PTPRR: variants seen among roughly 807,000 people sequenced by gnomAD.
PTPRR encodes protein tyrosine phosphatase receptor type R.
A neutral mutation model predicts 77.2 loss-of-function variants in PTPRR; 38 were observed. The ratio of observed to expected loss-of-function variants is 0.49; its 90% CI spans 0.38 to 0.65. PTPRR has a LOEUF of 0.65. Among genes scored for constraint, PTPRR ranks in the 30% least tolerant of loss-of-function variants. The pLI, the probability that PTPRR is intolerant of heterozygous loss-of-function variation, is 0.00. For missense variants in PTPRR, 744 were observed against 799.2 expected, an observed-to-expected ratio of 0.93 and a Z score of 0.83; for synonymous variants, 299 against 283.1, an observed-to-expected ratio of 1.06 and a Z score of -0.57.
At chr12:70,805,613 G>A (rs4760819) in intron 2 of PTPRR, among the ~76,000 whole-genome samples, 146,077 of 152,320 alleles carry the variant, frequency 0.96, 70,327 homozygotes, top group East Asian at 1. Context: ...CTCCTGTTTC[G>A]GCTGGGACTT....
intron 2 of PTPRR, among the ~76,000 whole-genome samples, chr12:70,816,455 C>T (rs947973303): frequency 1.3e-5 from 2 of 151,758 alleles, no homozygotes; most frequent in Non-Finnish European, 2.9e-5. Flanking sequence ...GTGCAAGAAC[C>T]CCAAGGATTG....
intron 5 of PTPRR, among the ~76,000 whole-genome samples, chr12:70,753,091 T>G (rs1890454263): frequency 6.6e-6 from 1 of 152,178 alleles, no homozygotes; most frequent in African/African-American, 2.4e-5. Flanking sequence ...GGTGGAAGAT[T>G]TAGGGTACTC....
At chr12:70,868,965 A>G (rs1489761455) in intron 2 of PTPRR, among the ~76,000 whole-genome samples, 1 of 144,436 alleles carries the variant, frequency 6.9e-6, no homozygotes, top group Non-Finnish European at 1.5e-5. Flanking sequence ...GTTCTCACTC[A>G]TAGGTGGGAA....
In PTPRR at chr12:70,695,080, T is replaced by TA. The variant is rs1888185807; in HGVS notation, c.1279+3184dup. 2.0e-5 allele frequency among the ~76,000 whole-genome samples: 3 copies of TA among 152,168 alleles called. No individual in the cohort carries two copies. The South Asian group carries it at 6.2e-4, about 32-fold the overall frequency. On this transcript the variant is annotated intron_variant, in intron 8 of 13. Transcript: ENST00000283228. ...AACACTGTCATTAGAGAAATGACTA[T>TA]AATTTAATTTATAATTATAAATTGA...
intron 2 of PTPRR, among the ~76,000 whole-genome samples, chr12:70,782,726 C>T (rs1472239199): frequency 4.6e-5 from 7 of 151,974 alleles, no homozygotes; most frequent in Non-Finnish European, 1.0e-4. Context: ...TTAGGAGACA[C>T]ACCTAATGTA....
chr12:70,804,796 C>T (rs376136153), intron 2 of PTPRR, among the ~76,000 whole-genome samples: 6 of 152,198 alleles, frequency 3.9e-5, no homozygotes, highest in African/African-American at 9.6e-5. Flanking sequence ...GATGAACGTG[C>T]GAACATATTG....
chr12:70,895,515 C>T (rs1245375907), intron 1 of PTPRR, among the ~76,000 whole-genome samples: 1 of 151,396 alleles, frequency 6.6e-6, no homozygotes, highest in Non-Finnish European at 1.5e-5. Context: ...CTGCCTTGTT[C>T]CTGAGTAATG....
chr12:70,770,391 C>T (rs893769790), intron 2 of PTPRR, among the ~76,000 whole-genome samples: 1 of 152,050 alleles, frequency 6.6e-6, no homozygotes, highest in East Asian at 1.9e-4. Flanking sequence ...TTTATGCAGC[C>T]AAAAGACACA....
intron 2 of PTPRR, among the ~76,000 whole-genome samples, chr12:70,880,706 T>G (rs192307874): frequency 1.3e-5 from 2 of 152,298 alleles, no homozygotes; most frequent in East Asian, 3.9e-4. Flanking sequence ...GAATGAATGT[T>G]TCAAGGAGCA....
rs72472808 is a variant in PTPRR at position 70,665,364 on chromosome 12, C to CTTTTTTTTT, written c.1498-2768_1498-2760dup. On this transcript the variant is annotated intron_variant, in intron 10 of 13. Transcript: ENST00000283228. ...GATGTAACACAAAGCAATGCAAATTCTTTTTTTTTTTTTTTTTTTTTTTTT... is the reference window on the plus strand; with the variant it reads ...GATGTAACACAAAGCAATGCAAATTCTTTTTTTTTTTTTTTTTTTTTTTTTTTTTTTTTT... Among the ~76,000 whole-genome samples, 150 of 44,630 alleles carry CTTTTTTTTT rather than the reference C, an allele frequency of 3.4e-3. 10 individuals carry two copies. Among genetic ancestry groups the CTTTTTTTTT allele is most frequent in the Non-Finnish European group, 4.7e-3 (105 of 22,426 alleles). 29.3% of individuals were successfully genotyped at this position (44,630 alleles called of 152,430 possible).
intron 2 of PTPRR, among the ~76,000 whole-genome samples, chr12:70,821,963 C>T (rs1209594788): frequency 2.6e-5 from 4 of 152,154 alleles, no homozygotes; most frequent in South Asian, 2.1e-4. Flanking sequence ...CACGCCCGGC[C>T]GAAACCTATG....
rs71437157 is a variant in PTPRR at position 70,795,913 on chromosome 12, ATTTTT to A, written c.358-31140_358-31136del. ...TATATGTTCAAAATGTATTTAGTAG[ATTTTT>A]TTTTTTTTTTTTTTTTTTTTTTTGA... On this transcript the variant is annotated intron_variant, in intron 2 of 13. Transcript: ENST00000283228. Among the ~76,000 whole-genome samples the A allele has an allele frequency of 2.4e-4, 21 of 88,390 alleles. 1 individual carries two copies. Among genetic ancestry groups the A allele is most frequent in the Non-Finnish European group, 3.1e-4 (14 of 45,282 alleles). The allele number at this position is 88,390 out of a possible 152,430, so 58.0% of individuals were successfully genotyped here.
At chr12:70,668,218 AAGAGGAGG>A (rs1005526760) in intron 10 of PTPRR, among the ~76,000 whole-genome samples, 3 of 152,006 alleles carry the variant, frequency 2.0e-5, no homozygotes, top group Non-Finnish European at 4.4e-5. Context: ...GAAGAGAAGG[AAGAGGAGG>A]AGAGGAGGAT....
intron 6 of PTPRR, among the ~76,000 whole-genome samples, chr12:70,709,187 G>C (rs1441814348): frequency 6.6e-6 from 1 of 152,046 alleles, no homozygotes; most frequent in African/African-American, 2.4e-5. Flanking sequence ...ATCAATAAAT[G>C]TAATTCATCA....
intron 8 of PTPRR, among the ~76,000 whole-genome samples, chr12:70,695,858 T>C (rs1025109429): frequency 6.6e-6 from 1 of 152,130 alleles, no homozygotes; most frequent in Non-Finnish European, 1.5e-5. Flanking sequence ...GTAAATAAAT[T>C]TAACTATATA....
chr12:70,688,671 G>C (rs1174594689), intron 8 of PTPRR, among the ~76,000 whole-genome samples: 1 of 152,160 alleles, frequency 6.6e-6, no homozygotes, highest in Non-Finnish European at 1.5e-5. Flanking sequence ...ATATGATCCA[G>C]CAATTCCACT....
intron 2 of PTPRR, among the ~76,000 whole-genome samples, chr12:70,848,296 C>T (rs1006917796): frequency 5.3e-5 from 8 of 152,134 alleles, no homozygotes; most frequent in African/African-American, 1.9e-4. Context: ...TTATTCCCTT[C>T]GAATATTTCT....
At chr12:70,831,799 C>T (rs1304987401) in intron 2 of PTPRR, among the ~76,000 whole-genome samples, 4 of 152,168 alleles carry the variant, frequency 2.6e-5, no homozygotes, top group Non-Finnish European at 5.9e-5. Context: ...GACTCATCCT[C>T]ATTACTCCTC....
intron 10 of PTPRR, among the ~76,000 whole-genome samples, chr12:70,664,048 A>G (rs1467157139): frequency 6.6e-6 from 1 of 152,230 alleles, no homozygotes; most frequent in African/African-American, 2.4e-5. Context: ...CAGCGAAGGA[A>G]GTCACTTCAC....
Sources: allele counts gnomAD v4.1 joint callset (sites outside exome capture counted in the v4.1 genomes callset), GRCh38; gene constraint gnomAD v4.1.1; transcripts MANE v1.5; gene names NCBI Gene and HGNC (gene_info 2026-07-23, HGNC 2026-07-21).